Variants in LHFPL6 observed in about 807,000 individuals in gnomAD.
The protein encoded by LHFPL6 is LHFPL tetraspan subfamily member 6.
In LHFPL6, 9 loss-of-function variants were observed where a neutral mutation model predicts 20.6. The observed-to-expected ratio is 0.44, with a 90% CI of 0.26 to 0.76. LHFPL6 has a LOEUF of 0.76. Ranked by LOEUF, LHFPL6 falls within the 30% of genes least tolerant of loss-of-function variation. The pLI, the probability that LHFPL6 is intolerant of heterozygous loss-of-function variation, is 0.20. For missense variants in LHFPL6, 218 were observed against 253.5 expected, an observed-to-expected ratio of 0.86 and a Z score of 0.95; for synonymous variants, 105 against 98.7, an observed-to-expected ratio of 1.06 and a Z score of -0.38.
At chr13:39,445,503 T>C (rs1433605243) in intron 2 of LHFPL6, among the ~76,000 whole-genome samples, 2 of 152,216 alleles carry the variant, frequency 1.3e-5, no homozygotes, top group Non-Finnish European at 2.9e-5. Context: ...TGCTCAGTCT[T>C]AGTATAGAAC....
chr13:39,388,667 A>G (rs530359767), intron 2 of LHFPL6, among the ~76,000 whole-genome samples: 1 of 152,314 alleles, frequency 6.6e-6, no homozygotes, highest in Admixed American at 6.5e-5. Context: ...TGACTTTATG[A>G]AAACAAAGTA....
At chr13:39,493,710 C>A (rs1159971199) in intron 2 of LHFPL6, among the ~76,000 whole-genome samples, 4 of 152,122 alleles carry the variant, frequency 2.6e-5, no homozygotes, top group African/African-American at 9.7e-5. Flanking sequence ...ATGAAATGCT[C>A]TATAATAGAC....
At chr13:39,489,274 T>C (rs1482705249) in intron 2 of LHFPL6, among the ~76,000 whole-genome samples, 1 of 152,174 alleles carries the variant, frequency 6.6e-6, no homozygotes, top group African/African-American at 2.4e-5. Context: ...GCTGATACTT[T>C]CTTCTTTTTC....
Position 39,568,747 on chromosome 13 carries a change from C to T in LHFPL6, c.385+32085G>A, listed in dbSNP as rs145170532. On this transcript the variant is annotated intron_variant, in intron 2 of 3. Coordinates refer to ENST00000379589, the MANE Select transcript of LHFPL6 (RefSeq NM_005780.3). ...CTGGCTCCTTTCACCCCTACATCCT[C>T]TAATGTTCACACTGTCCAGTTTAGG... is the stretch of plus-strand genomic sequence containing the variant. Among the ~76,000 whole-genome samples the T allele has an allele frequency of 8.3e-3, 1,268 of 152,334 alleles. 11 individuals carry two copies. The highest frequency in any genetic ancestry group is 0.014 in the Non-Finnish European group (978 of 68,030).
intron 2 of LHFPL6, among the ~76,000 whole-genome samples, chr13:39,410,895 G>T (rs1277998419): frequency 6.6e-6 from 1 of 152,120 alleles, no homozygotes; most frequent in African/African-American, 2.4e-5. Context: ...ACAACTTCCT[G>T]ATCACACAAC....
chr13:39,383,889 C>A (rs1290342701), intron 2 of LHFPL6, among the ~76,000 whole-genome samples: 3 of 152,234 alleles, frequency 2.0e-5, no homozygotes, highest in African/African-American at 7.2e-5. Context: ...GTGTCCCCCT[C>A]CTCATCACCC....
intron 2 of LHFPL6, among the ~76,000 whole-genome samples, chr13:39,412,866 G>T (rs1871264177): frequency 6.6e-6 from 1 of 150,800 alleles, no homozygotes; most frequent in African/African-American, 2.4e-5. Context: ...AGGTTGCAGT[G>T]AGCCGAGATT....
intron 2 of LHFPL6, among the ~76,000 whole-genome samples, chr13:39,553,235 T>A (rs1361477080): frequency 1.3e-5 from 2 of 152,188 alleles, no homozygotes; most frequent in Admixed American, 6.5e-5. Flanking sequence ...ATCTAATAAT[T>A]ATGAATCACT....
Position 39,482,365 on chromosome 13 carries a change from A to G in LHFPL6, c.386-103839T>C, listed in dbSNP as rs113041690. 2.7e-4 allele frequency among the ~76,000 whole-genome samples: 41 copies of G among 152,098 alleles called. 1 individual carries two copies. Among genetic ancestry groups the G allele is most frequent in the African/African-American group, 9.6e-4 (40 of 41,506 alleles). ...AGGCTGAGGCAGGAGAATCATTTGA[A>G]CCTAGGGGTGGAGGTTGTGGTGAGC... On this transcript the variant is annotated intron_variant, in intron 2 of 3. Coordinates refer to ENST00000379589, the MANE Select transcript of LHFPL6 (RefSeq NM_005780.3).
chr13:39,443,864 GATT>G (rs1275814911), intron 2 of LHFPL6, among the ~76,000 whole-genome samples: 1 of 150,646 alleles, frequency 6.6e-6, no homozygotes, highest in East Asian at 1.9e-4. Flanking sequence ...TTCCATACTA[GATT>G]ATACAATAGG....
chr13:39,404,109 G>C (rs1191472973), intron 2 of LHFPL6, among the ~76,000 whole-genome samples: 1 of 152,176 alleles, frequency 6.6e-6, no homozygotes, highest in East Asian at 1.9e-4. Flanking sequence ...TGCCTGCTTT[G>C]CTAATGGCTG....
At chr13:39,418,425 C>A (rs1163145803) in intron 2 of LHFPL6, among the ~76,000 whole-genome samples, 1 of 122,594 alleles carries the variant, frequency 8.2e-6, no homozygotes, top group East Asian at 3.4e-4. Context: ...TAACTAAAAT[C>A]TGAGTAAAAG....
chr13:39,470,425 C>T (rs138412308), intron 2 of LHFPL6, among the ~76,000 whole-genome samples: 88 of 151,786 alleles, frequency 5.8e-4, no homozygotes, highest in African/African-American at 1.9e-3. Flanking sequence ...AGTTTTTATA[C>T]GGTAATTAAA....
intron 2 of LHFPL6, among the ~76,000 whole-genome samples, chr13:39,506,085 A>G (rs1339842383): frequency 3.3e-5 from 5 of 152,178 alleles, no homozygotes; most frequent in Non-Finnish European, 5.9e-5. Context: ...TACAGACAAA[A>G]CAGCCCCAAG....
At chr13:39,488,992 T>C (rs1211395078) in intron 2 of LHFPL6, among the ~76,000 whole-genome samples, 1 of 152,146 alleles carries the variant, frequency 6.6e-6, no homozygotes, top group East Asian at 1.9e-4. Context: ...GCTCCTTTCC[T>C]TCATCTGTTG....
At chr13:39,514,384 C>T (rs1361828105) in intron 2 of LHFPL6, among the ~76,000 whole-genome samples, 1 of 152,174 alleles carries the variant, frequency 6.6e-6, no homozygotes, top group African/African-American at 2.4e-5. Flanking sequence ...GAAGTCTGTT[C>T]TCTTGATGAT....
intron 2 of LHFPL6, among the ~76,000 whole-genome samples, chr13:39,496,540 C>T (rs1405564267): frequency 6.6e-6 from 1 of 152,158 alleles, no homozygotes; most frequent in African/African-American, 2.4e-5. Context: ...TTCAAAAATG[C>T]AGGCATGCAA....
intron 3 of LHFPL6, among the ~76,000 whole-genome samples, chr13:39,359,358 A>G (rs1869817048): frequency 6.6e-6 from 1 of 152,200 alleles, no homozygotes; most frequent in African/African-American, 2.4e-5. Context: ...TTGTTCTACC[A>G]AGAAGACACA....
At chr13:39,552,495 T>C (rs560279633) in intron 2 of LHFPL6, among the ~76,000 whole-genome samples, 1 of 152,322 alleles carries the variant, frequency 6.6e-6, no homozygotes, top group Non-Finnish European at 1.5e-5. Flanking sequence ...AAAGGGTCCG[T>C]AATTAATAAT....
Sources: allele counts gnomAD v4.1 joint callset (sites outside exome capture counted in the v4.1 genomes callset), GRCh38; gene constraint gnomAD v4.1.1; transcripts MANE v1.5; gene names NCBI Gene and HGNC (gene_info 2026-07-23, HGNC 2026-07-21).